COL13A1: variants seen among roughly 807,000 people sequenced by gnomAD.
The protein encoded by COL13A1 is collagen type XIII alpha 1 chain, also known as collagen alpha-1(XIII) chain.
A neutral mutation model predicts 130.9 loss-of-function variants in COL13A1; 89 were observed. The ratio of observed to expected loss-of-function variants is 0.68; its 90% CI spans 0.57 to 0.81. The LOEUF is 0.81. Among genes scored for constraint, COL13A1 ranks in the 30% least tolerant of loss-of-function variants. The pLI, the probability that COL13A1 is intolerant of heterozygous loss-of-function variation, is 0.00. For synonymous variants in COL13A1, 402 were observed against 341.6 expected, an observed-to-expected ratio of 1.18 and a Z score of -1.95; for missense variants, 879 against 934.6, an observed-to-expected ratio of 0.94 and a Z score of 0.78.
chr10:69,957,838 C>T (rs2071075405), intron 40 of COL13A1, among the ~76,000 whole-genome samples: 1 of 152,192 alleles, frequency 6.6e-6, no homozygotes, highest in Non-Finnish European at 1.5e-5. Context: ...CAAGTCTTCT[C>T]ACCAACCCCC....
chr10:69,880,249 G>T (rs1419873315), intron 6 of COL13A1, among the ~76,000 whole-genome samples: 1 of 151,930 alleles, frequency 6.6e-6, no homozygotes, highest in Admixed American at 6.6e-5. Context: ...TTTCCCTCCT[G>T]CTGCTTCCCC....
rs377500873 is a variant in COL13A1, at chr10:69,923,825, G to T, written c.1254G>T (p.Gln418His). ...GPKGEAGVDGQVGPPGQPGDK... is the reference protein window; with the variant it reads ...GPKGEAGVDGHVGPPGQPGDK... ...AGGGAGAAGCAGGTGTCGATGGCCA[G>T]GTTGGCCCCCCAGGGCAGCCAGGAG... Residue 418 changes from glutamine to histidine, a missense_variant, in exon 24 of 41, where the codon CAG (glutamine) becomes CAT (histidine). This residue lies in a region of COL13A1 where 715 missense variants were observed against 721.0 expected (regional missense o/e 0.99). Coordinates refer to ENST00000645393, the MANE Select transcript of COL13A1 (RefSeq NM_001368882.1). The T allele has an allele frequency of 1.6e-5, 26 of 1,611,776 alleles. No individual in the cohort carries two copies. The highest frequency in any genetic ancestry group is 2.2e-5 in the Non-Finnish European group (26 of 1,179,192).
intron 38 of COL13A1, 143 bp from the exon 39 acceptor site, chr10:69,952,739 A>C: frequency 1.6e-6 from 1 of 608,390 alleles, no homozygotes; most frequent in Non-Finnish European, 2.6e-6. Context: ...ATTGACTCCA[A>C]ATCCTACTGG....
intron 38 of COL13A1, among the ~76,000 whole-genome samples, chr10:69,947,879 C>T (rs921711203): frequency 6.6e-6 from 1 of 152,252 alleles, no homozygotes; most frequent in African/African-American, 2.4e-5. Context: ...CAGACCCTTG[C>T]TGTCCCTTTG....
At chr10:69,898,551 T>C (rs2061882770) in intron 13 of COL13A1, 146 bp from the exon 14 acceptor site, 1 of 621,216 alleles carries the variant, frequency 1.6e-6, no homozygotes, top group Admixed American at 3.0e-5. Context: ...CTCCCACTCC[T>C]CATGTGCACG....
chr10:69,804,714 G>T (rs1436385155), intron 1 of COL13A1, among the ~76,000 whole-genome samples: 1 of 148,208 alleles, frequency 6.7e-6, no homozygotes, highest in East Asian at 2.0e-4. Context: ...AGCCTGCTGC[G>T]GGTCAGGCAT....
At chr10:69,894,187 G>A (rs1227135226) in intron 10 of COL13A1, among the ~76,000 whole-genome samples, 1 of 152,234 alleles carries the variant, frequency 6.6e-6, no homozygotes, top group Non-Finnish European at 1.5e-5. Flanking sequence ...TGGGAGGCAG[G>A]AGGTGGAATG....
At chr10:69,919,222 G>A in intron 20 of COL13A1, 134 bp downstream of exon 20, 4 of 1,162,832 alleles carry the variant, frequency 3.4e-6, no homozygotes, top group Non-Finnish European at 5.0e-6. Context: ...AGCAGAGAAG[G>A]GCCCACTGGT....
At chr10:69,936,070 A>G in intron 32 of COL13A1, among the ~76,000 whole-genome samples, 1 of 107,870 alleles carries the variant, frequency 9.3e-6, no homozygotes, top group Non-Finnish European at 1.9e-5. Flanking sequence ...GAGTGAGGGA[A>G]GGGAGGGAGG....
At chr10:69,953,733 G>A (rs1198285693) in intron 39 of COL13A1, among the ~76,000 whole-genome samples, 1 of 152,228 alleles carries the variant, frequency 6.6e-6, no homozygotes, top group Non-Finnish European at 1.5e-5. Context: ...CGGAGAGGGG[G>A]CAGGTTGTAT....
chr10:69,810,697 G>T (rs1478569087), intron 1 of COL13A1, among the ~76,000 whole-genome samples: 2 of 152,182 alleles, frequency 1.3e-5, no homozygotes, highest in African/African-American at 4.8e-5. Context: ...AGGGAAATCA[G>T]CAGGCTTCTC....
chr10:69,925,062 A>T, intron 25 of COL13A1, 55 bp downstream of exon 25: 1 of 1,462,188 alleles, frequency 6.8e-7, no homozygotes, highest in South Asian at 1.4e-5. Context: ...AAATCAAAAA[A>T]GCATCTGAGA....
chr10:69,829,806 C>T (rs774453775), intron 2 of COL13A1, among the ~76,000 whole-genome samples: 8 of 152,256 alleles, frequency 5.3e-5, no homozygotes, highest in Non-Finnish European at 7.3e-5. Flanking sequence ...CTAAAATGCT[C>T]CACCATCTGC....
At chr10:69,951,714 A>T (rs2069594242) in intron 38 of COL13A1, among the ~76,000 whole-genome samples, 1 of 152,222 alleles carries the variant, frequency 6.6e-6, no homozygotes, top group African/African-American at 2.4e-5. Context: ...TTACAGGTAA[A>T]GAAACTAAGG....
chr10:69,888,754 T>A (rs937795879), intron 9 of COL13A1, among the ~76,000 whole-genome samples: 1 of 152,104 alleles, frequency 6.6e-6, no homozygotes, highest in South Asian at 2.1e-4. Context: ...CCTCCCCGAT[T>A]GAGACCCCAC....
chr10:69,915,829 C>T (rs536430033), intron 17 of COL13A1, among the ~76,000 whole-genome samples: 1 of 152,142 alleles, frequency 6.6e-6, no homozygotes, highest in Non-Finnish European at 1.5e-5. Flanking sequence ...GAAAGACAGA[C>T]CGTGGAAATG....
chr10:69,918,512 CAAGT>C (rs749124072), intron 19 of COL13A1, among the ~76,000 whole-genome samples, 195 bp downstream of exon 19: 3 of 152,212 alleles, frequency 2.0e-5, no homozygotes, highest in Non-Finnish European at 4.4e-5. Context: ...CTAAGCCTTG[CAAGT>C]AAGTAGCAAT....
chr10:69,853,217 C>T (rs1222251755), intron 2 of COL13A1, among the ~76,000 whole-genome samples: 1 of 152,214 alleles, frequency 6.6e-6, no homozygotes, highest in Non-Finnish European at 1.5e-5. Flanking sequence ...AGAGACGCCT[C>T]ACCCTCTTCT....
intron 32 of COL13A1, 116 bp from the exon 33 acceptor site, chr10:69,936,640 C>A: frequency 8.1e-7 from 1 of 1,235,330 alleles, no homozygotes; most frequent in Non-Finnish European, 1.2e-6. Flanking sequence ...TGGGCAGGGA[C>A]CCCAAACCAT....
Sources: gnomAD v4.1 joint callset for allele counts (sites outside exome capture counted in the v4.1 genomes callset) on GRCh38, gnomAD v4.1.1 for gene constraint, gnomAD v4.1.1 regional missense constraint, MANE v1.5 for transcripts, NCBI Gene and HGNC (gene_info 2026-07-23, HGNC 2026-07-21) for gene names.